The following OPHN1 variants were observed in gnomAD, a reference collection of about 807,000 sequenced individuals.
OPHN1 encodes the protein oligophrenin 1, also known as oligophrenin-1.
In OPHN1, 11 loss-of-function variants were observed where a neutral mutation model predicts 60.7. The observed-to-expected ratio is 0.18, with a 90% CI of 0.11 to 0.30. The LOEUF is 0.30. Among genes scored for constraint, OPHN1 ranks in the 10% least tolerant of loss-of-function variants. OPHN1 has a pLI of 1.00. For missense variants in OPHN1, 449 were observed against 611.0 expected, an observed-to-expected ratio of 0.73 and a Z score of 2.80; for synonymous variants, 226 against 222.6, an observed-to-expected ratio of 1.02 and a Z score of -0.14.
intron 6 of OPHN1, among the ~76,000 whole-genome samples, chrX:68,233,954 T>C (rs1022781068): frequency 5.4e-5 from 6 of 110,117 alleles, no homozygotes; most frequent in African/African-American, 2.0e-4. Context: ...TCTCATTGTT[T>C]CTGTAGCCAT....
At chrX:68,412,513 G>A (rs776235810) in intron 2 of OPHN1, among the ~76,000 whole-genome samples, 26 of 111,426 alleles carry the variant, frequency 2.3e-4, no homozygotes, top group Non-Finnish European at 3.4e-4. Flanking sequence ...AAAGTTTAAC[G>A]TGTATAGTTT....
At chrX:68,212,299 T>A in intron 7 of OPHN1, 87 bp from the exon 8 acceptor site, 1 of 661,630 alleles carries the variant, frequency 1.5e-6, no homozygotes, top group East Asian at 3.6e-5. Context: ...AAAAACTCCA[T>A]GGTGTGGCTG....
chrX:68,263,183 G>A (rs2077903235), intron 5 of OPHN1, among the ~76,000 whole-genome samples: 2 of 111,642 alleles, frequency 1.8e-5, no homozygotes, highest in Admixed American at 9.5e-5. Flanking sequence ...AGCATTCTCT[G>A]TGTTATTTTG....
chrX:68,063,713 T>C (rs2076902102), intron 21 of OPHN1, 141 bp downstream of exon 21: 1 of 506,735 alleles, frequency 2.0e-6, no homozygotes, highest in Non-Finnish European at 3.1e-6. Context: ...CTGATTATTG[T>C]GATCTTGCCC....
intron 2 of OPHN1, among the ~76,000 whole-genome samples, chrX:68,378,557 C>T (rs1210408860): frequency 4.5e-5 from 5 of 111,501 alleles, no homozygotes; most frequent in Admixed American, 1.9e-4. Flanking sequence ...AGGGTTTTTA[C>T]GGTTTTAGGT....
At chrX:68,287,794 T>C (rs1415984243) in intron 3 of OPHN1, among the ~76,000 whole-genome samples, 1 of 112,264 alleles carries the variant, frequency 8.9e-6, no homozygotes, top group Non-Finnish European at 1.9e-5. Context: ...TGCACTGTTT[T>C]GTTGCAAAAT....
At chrX:68,137,096 C>T (rs2077223628) in intron 15 of OPHN1, among the ~76,000 whole-genome samples, 1 of 111,756 alleles carries the variant, frequency 8.9e-6, no homozygotes, top group South Asian at 3.8e-4. Flanking sequence ...TTAAATGTGC[C>T]TGTATCAACA....
chrX:68,273,699 T>C (rs1304709807), intron 5 of OPHN1, among the ~76,000 whole-genome samples: 1 of 112,159 alleles, frequency 8.9e-6, no homozygotes, highest in African/African-American at 3.2e-5. Context: ...AGCAAAGATC[T>C]AGACAGCATA....
chrX:68,242,050 A>T (rs2077783594), intron 5 of OPHN1, among the ~76,000 whole-genome samples: 1 of 111,215 alleles, frequency 9.0e-6, no homozygotes, highest in South Asian at 3.8e-4. Flanking sequence ...AGTTATTGGA[A>T]ATGCAAATCA....
At chrX:68,088,849 T>C (rs1319796312) in intron 19 of OPHN1, among the ~76,000 whole-genome samples, 1 of 110,615 alleles carries the variant, frequency 9.0e-6, no homozygotes, top group African/African-American at 3.3e-5. Flanking sequence ...ACCCAGCTAG[T>C]AAAGGATAAA....
chrX:68,158,475 A>G (rs932314790), intron 15 of OPHN1, among the ~76,000 whole-genome samples: 10 of 112,711 alleles, frequency 8.9e-5, no homozygotes, highest in African/African-American at 2.9e-4. Flanking sequence ...TGCAATGGCA[A>G]CATGAGGAGC....
chrX:68,263,702 C>A (rs1466668493), intron 5 of OPHN1, among the ~76,000 whole-genome samples: 4 of 111,410 alleles, frequency 3.6e-5, no homozygotes, highest in African/African-American at 1.3e-4. Context: ...GAACTATCTA[C>A]CAAATGGGCA....
intron 9 of OPHN1, among the ~76,000 whole-genome samples, chrX:68,207,514 T>C (rs926201476): frequency 1.6e-4 from 18 of 111,537 alleles, no homozygotes; most frequent in Non-Finnish European, 3.0e-4. Flanking sequence ...ATTATTTCAT[T>C]GGCCTTCTCT....
chrX:68,277,735 G>A (rs956388331), intron 4 of OPHN1, among the ~76,000 whole-genome samples: 2 of 111,878 alleles, frequency 1.8e-5, no homozygotes, highest in Non-Finnish European at 3.8e-5. Context: ...AGGTTGCAGT[G>A]AGCCAAGACT....
intron 5 of OPHN1, among the ~76,000 whole-genome samples, chrX:68,242,929 G>A (rs1294353196): frequency 9.1e-6 from 1 of 110,302 alleles, no homozygotes; most frequent in African/African-American, 3.3e-5. Context: ...GTGCAGTGGT[G>A]CGATCTTGGC....
At chrX:68,269,806 A>G (rs2077956620) in intron 5 of OPHN1, among the ~76,000 whole-genome samples, 1 of 112,091 alleles carries the variant, frequency 8.9e-6, no homozygotes, top group African/African-American at 3.2e-5. Flanking sequence ...CAGGCAACCT[A>G]CAGAATGGGA....
At chrX:68,240,714 G>A (rs1237491698) in intron 5 of OPHN1, among the ~76,000 whole-genome samples, 4 of 111,290 alleles carry the variant, frequency 3.6e-5, no homozygotes, top group Non-Finnish European at 3.8e-5. Flanking sequence ...TATTGTTATA[G>A]TTGTTTTTTA....
At chrX:68,378,533 C>A (rs1388521238) in intron 2 of OPHN1, among the ~76,000 whole-genome samples, 1 of 111,657 alleles carries the variant, frequency 9.0e-6, no homozygotes, top group Non-Finnish European at 1.9e-5. Context: ...ATGGTAATGC[C>A]TAGGTTTTCT....
intron 16 of OPHN1, among the ~76,000 whole-genome samples, chrX:68,115,183 A>G (rs2077121897): frequency 8.9e-6 from 1 of 112,796 alleles, no homozygotes; most frequent in African/African-American, 3.2e-5. Flanking sequence ...TATTTCATAT[A>G]CAAACCCATA....
Sources: allele counts gnomAD v4.1 joint callset (sites outside exome capture counted in the v4.1 genomes callset), GRCh38; gene constraint gnomAD v4.1.1; transcripts MANE v1.5; gene names NCBI Gene and HGNC (gene_info 2026-07-23, HGNC 2026-07-21).